Variants in TRIM74 observed in about 807,000 individuals in gnomAD.
TRIM74 encodes the protein tripartite motif containing 74.
Under a neutral mutation model 14.5 loss-of-function variants are expected in TRIM74, and 3 were observed. That is an observed-to-expected ratio of 0.21 (90% CI 0.09 to 0.53). The LOEUF is 0.53. Ranked by LOEUF, TRIM74 falls within the 20% of genes least tolerant of loss-of-function variation. The pLI is 0.95. For synonymous variants in TRIM74, 10 were observed against 71.3 expected, an observed-to-expected ratio of 0.14 and a Z score of 4.33; for missense variants, 26 against 174.0, an observed-to-expected ratio of 0.15 and a Z score of 4.79.
At chr7:72,955,124 T>TCC (rs61310405), downstream of TRIM74, among the ~76,000 whole-genome samples, 1 of 123,540 alleles carries the variant, frequency 8.1e-6, no homozygotes, top group Non-Finnish European at 1.7e-5. Flanking sequence ...TTTTTTTTTT[T>TCC]CAGACAAAAA....
chr7:72,955,111 A>ATATTTTTTT (rs1346659193), downstream of TRIM74: 1 of 112,068 alleles, frequency 8.9e-6, no homozygotes, highest in African/African-American at 4.1e-5. Flanking sequence ...ATATATATAT[A>ATATTTTTTT]TTTTTTTTTT....
chr7:72,966,472 G>T (rs1161581861), intron 1 of TRIM74, among the ~76,000 whole-genome samples: 1 of 127,538 alleles, frequency 7.8e-6, no homozygotes, highest in Non-Finnish European at 1.6e-5. Context: ...CCATCTGCAG[G>T]GTCATTTGCA....
chr7:72,966,392 T>TGTGTGC (rs1181721137), intron 1 of TRIM74, among the ~76,000 whole-genome samples: 1 of 143,898 alleles, frequency 6.9e-6, no homozygotes, highest in East Asian at 1.9e-4. Flanking sequence ...TACGTGTGTG[T>TGTGTGC]GTGTGTGTGT....
chr7:72,966,468 G>A (rs1402490129), intron 1 of TRIM74, among the ~76,000 whole-genome samples: 3 of 130,578 alleles, frequency 2.3e-5, no homozygotes, highest in African/African-American at 3.7e-5. Context: ...GGGGCCATCT[G>A]CAGGGTCATT....
At chr7:72,955,247 C>A (rs1282620638), downstream of TRIM74, among the ~76,000 whole-genome samples, 1 of 118,372 alleles carries the variant, frequency 8.4e-6, no homozygotes, top group Non-Finnish European at 1.7e-5. Flanking sequence ...CAGGCCCGTG[C>A]CACCACGCCC....
Position 72,963,696 on chromosome 7 carries a change from C to A in TRIM74, c.399+2063G>T, listed in dbSNP as rs1221134792. 8.3e-3 allele frequency among the ~76,000 whole-genome samples: 1,206 copies of A among 145,438 alleles called. 12 individuals carry two copies. The highest frequency in any genetic ancestry group is 0.013 in the Non-Finnish European group (837 of 65,214). ...GTCCAGCCTGGACAAAATAGTGAGA[C>A]CCTGTCTCTACCAAAAAAAAAAAAA... On this transcript the variant is annotated intron_variant, in intron 2 of 4. Coordinates refer to ENST00000285805, the MANE Select transcript of TRIM74 (RefSeq NM_198853.3).
chr7:72,956,070 AGGTGC>A (rs1264584853), downstream of TRIM74, among the ~76,000 whole-genome samples: 1 of 136,904 alleles, frequency 7.3e-6, no homozygotes, highest in African/African-American at 2.8e-5. Flanking sequence ...CAGTCTGGCC[AGGTGC>A]GGTGGCTCAC....
At chr7:72,966,292 G>C (rs1798269255) in intron 1 of TRIM74, 117 bp from the exon 2 acceptor site, 1 of 307,016 alleles carries the variant, frequency 3.3e-6, no homozygotes. Flanking sequence ...TTTGAGTCCT[G>C]GATCCCAGTC....
intron 1 of TRIM74, among the ~76,000 whole-genome samples, chr7:72,967,245 T>A (rs1356507565): frequency 2.6e-5 from 3 of 116,528 alleles, no homozygotes; most frequent in African/African-American, 3.6e-5. Context: ...ATATCCTTTT[T>A]TGGGGGGGGT....
chr7:72,955,159 C>T (rs1167909215), downstream of TRIM74, among the ~76,000 whole-genome samples: 1 of 125,842 alleles, frequency 7.9e-6, no homozygotes, highest in Non-Finnish European at 1.6e-5. Flanking sequence ...CGCAGTGTCG[C>T]GATCTTGGCT....
In TRIM74 at chr7:72,969,269, C is replaced by T. The variant is rs1182500132; in HGVS notation, c.-19+16G>A. 1 of 290,730 alleles carries T rather than the reference C, an allele frequency of 3.4e-6. No individual in the cohort carries two copies. The highest frequency in any genetic ancestry group is 6.5e-6 in the Non-Finnish European group (1 of 153,568). 18.0% of individuals were successfully genotyped at this position (290,730 alleles called of 1,614,324 possible). A position where few individuals can be genotyped will look rare whatever the true frequency, so the allele number is the denominator to read the frequency against. On this transcript the variant is annotated intron_variant, in intron 1 of 4. Coordinates refer to ENST00000285805, the MANE Select transcript of TRIM74 (RefSeq NM_198853.3). ...GTTAGGTGCCCCATCATTTCCCGCT[C>T]GCTCTCATTACGTACCCAGCCTCCG...
intron 2 of TRIM74, among the ~76,000 whole-genome samples, chr7:72,962,566 C>CA (rs1250226927): frequency 1.1e-4 from 2 of 18,144 alleles, no homozygotes; most frequent in Non-Finnish European, 1.9e-4. Context: ...CCTGTAGTCC[C>CA]AGCTACTCGG....
intron 1 of TRIM74, among the ~76,000 whole-genome samples, chr7:72,967,252 G>T (rs1193782920): frequency 1.3e-5 from 2 of 148,384 alleles, no homozygotes; most frequent in Admixed American, 1.3e-4. Context: ...TTTTTGGGGG[G>T]GGTGGGGGGC....
At chr7:72,955,512 T>G (rs1798078928), downstream of TRIM74, among the ~76,000 whole-genome samples, 1 of 145,418 alleles carries the variant, frequency 6.9e-6, no homozygotes, top group South Asian at 2.2e-4. Context: ...CAACTCCAGG[T>G]CCACAATGTG....
At chr7:72,960,277 CAG>C (rs1293236749) in intron 3 of TRIM74, 26 bp from the exon 4 acceptor site, 26 of 1,098,956 alleles carry the variant, frequency 2.4e-5, no homozygotes, top group African/African-American at 6.2e-5. Flanking sequence ...CTGCTCACTG[CAG>C]AGTCACAGCC....
chr7:72,967,348 C>T (rs1444271637), intron 1 of TRIM74, among the ~76,000 whole-genome samples: 1 of 152,172 alleles, frequency 6.6e-6, no homozygotes, highest in Non-Finnish European at 1.5e-5. Context: ...GCCTCCAACT[C>T]CTAGGCTCAA....
At chr7:72,956,843 T>C (rs1379348723), downstream of TRIM74, among the ~76,000 whole-genome samples, 4 of 150,318 alleles carry the variant, frequency 2.7e-5, no homozygotes, top group South Asian at 4.3e-4. Flanking sequence ...GCCTCTCTTA[T>C]AGGGAGAAGC....
intron 1 of TRIM74, chr7:72,966,831 A>G (rs1798290165): frequency 9.8e-6 from 1 of 101,960 alleles, no homozygotes; most frequent in Admixed American, 1.2e-4. Context: ...ACATTGGAAT[A>G]CCTAGCTTCT....
rs1554507065 is a variant in TRIM74, at chr7:72,965,923, T to A, written c.235A>T (p.Arg79Trp). ...TTGGGCTCCGGGTCCCCAGGGAGCC[T>A]CAGGGCTTCGATCACCCAGGCCAGG... ...VSLAWVIEALRLPGDPEPKVC... is the reference protein window; with the variant it reads ...VSLAWVIEALWLPGDPEPKVC... The change falls in exon 2 of 5, where the codon AGG becomes TGG. Residue 79 changes from arginine to tryptophan, a missense_variant. By Grantham distance (101) the Arg-to-Trp change is moderately radical. Coordinates refer to ENST00000285805, the MANE Select transcript of TRIM74 (RefSeq NM_198853.3). The A allele has an allele frequency of 2.4e-6, 1 of 425,194 alleles. No individual in the cohort carries two copies. The highest frequency in any genetic ancestry group is 5.6e-5 in the East Asian group (1 of 17,998). The allele number at this position is 425,194 out of a possible 1,614,324, so 26.3% of individuals were successfully genotyped here.
Sources: gnomAD v4.1 joint callset for allele counts (sites outside exome capture counted in the v4.1 genomes callset) on GRCh38, gnomAD v4.1.1 for gene constraint, MANE v1.5 for transcripts, NCBI Gene and HGNC (gene_info 2026-07-23, HGNC 2026-07-21) for gene names.